Variants in CINP observed in about 807,000 individuals in gnomAD.
CINP encodes the protein cyclin-dependent kinase 2-interacting protein.
A neutral mutation model predicts 20.5 loss-of-function variants in CINP; 11 were observed. The observed-to-expected ratio is 0.54, with a 90% CI of 0.34 to 0.89. The LOEUF (loss-of-function observed/expected upper bound fraction) is 0.89. CINP is among the 40% of genes least tolerant of loss of function. The pLI is 0.02. For synonymous variants in CINP, 108 were observed against 102.1 expected (o/e 1.06, Z -0.35); for missense variants, 213 against 251.0 (o/e 0.85, Z 1.02).
At chr14:102,354,826 T>C (rs1400004182) in intron 3 of CINP, among the ~76,000 whole-genome samples, 1 of 151,658 alleles carries the variant, frequency 6.6e-6, no homozygotes, top group Non-Finnish European at 1.5e-5. Context: ...TCCCAGCAGT[T>C]TGGGAGGCCA....
intron 2 of CINP, among the ~76,000 whole-genome samples, chr14:102,357,709 G>A (rs2139632614): frequency 6.6e-6 from 1 of 152,348 alleles, no homozygotes; most frequent in African/African-American, 2.4e-5. Context: ...TTTGGTTCAT[G>A]AGGTTTAAGG....
chr14:102,348,782 T>C, intron 4 of CINP, 23 bp from the exon 5 acceptor site: 1 of 1,597,744 alleles, frequency 6.3e-7, no homozygotes, highest in South Asian at 1.1e-5. Context: ...TGAATCTCCC[T>C]TAATGGCAGT....
chr14:102,352,772 C>T (rs902971255), intron 3 of CINP, among the ~76,000 whole-genome samples: 1 of 151,714 alleles, frequency 6.6e-6, no homozygotes, highest in African/African-American at 2.4e-5. Context: ...CTCAGCCTCC[C>T]AAGTAGCTGG....
chr14:102,348,518 G>C lies in CINP; in HGVS notation c.*39C>G. The stretch of plus-strand genomic sequence containing the variant: ...CCTAGGCAGACTGTCTGCCTGGTGA[G>C]ACGTGGAAGGAGCCAGTGTCCGCAG... On this transcript the variant is annotated 3_prime_UTR_variant, in exon 5 of 5. Coordinates refer to ENST00000216756, the MANE Select transcript of CINP (RefSeq NM_032630.3). 3.9e-6 allele frequency: 6 copies of C among 1,557,464 alleles called. No homozygotes were observed. The highest frequency in any genetic ancestry group is 5.2e-6 in the Non-Finnish European group (6 of 1,146,442).
Position 102,362,646 on chromosome 14 carries a change from A to C in CINP, c.7+199T>G, listed in dbSNP as rs1388103620. 5.5e-6 allele frequency: 4 copies of C among 733,172 alleles called. No homozygotes were observed. The Admixed American group carries it at 8.0e-5, about 15-fold the overall frequency. 45.4% of individuals were successfully genotyped at this position (733,172 alleles called of 1,614,324 possible). A position where few individuals can be genotyped will look rare whatever the true frequency, so the allele number is the denominator to read the frequency against. ...TTCATCTGTCACTGCACATGTGAAAAAACGGAGGCTCGGCAAAACTGTCTC... is the reference window on the plus strand; with the variant it reads ...TTCATCTGTCACTGCACATGTGAAACAACGGAGGCTCGGCAAAACTGTCTC... On this transcript the variant is annotated intron_variant, in intron 1 of 4. Coordinates refer to ENST00000216756, the MANE Select transcript of CINP (RefSeq NM_032630.3).
intron 3 of CINP, among the ~76,000 whole-genome samples, chr14:102,352,194 G>A (rs1418947091): frequency 6.6e-6 from 1 of 152,134 alleles, no homozygotes; most frequent in Non-Finnish European, 1.5e-5. Context: ...CCGACACCAA[G>A]TTTTAACACC....
rs535711601 is a variant in CINP, at chr14:102,359,155, C to T, written c.176+264G>A. On this transcript the variant is annotated intron_variant, in intron 2 of 4. Transcript: ENST00000216756. ...GGTAGAGGTTGCAGTGAGCTGAGATCGCGCCATCACACTCCAGCCTAGGCA... is the reference window on the plus strand; with the variant it reads ...GGTAGAGGTTGCAGTGAGCTGAGATTGCGCCATCACACTCCAGCCTAGGCA... 6.7e-5 allele frequency among the ~76,000 whole-genome samples: 10 copies of T among 149,784 alleles called. No individual in the cohort carries two copies. In the East Asian group the frequency reaches 1.6e-3, roughly 23 times the overall value.
intron 4 of CINP, among the ~76,000 whole-genome samples, chr14:102,349,279 A>G (rs1383716367): frequency 6.6e-6 from 1 of 152,144 alleles, no homozygotes; most frequent in Non-Finnish European, 1.5e-5. Context: ...AACCTTTTCT[A>G]CTTGACTCTT....
At chr14:102,356,626 G>A (rs1341827033) in intron 2 of CINP, among the ~76,000 whole-genome samples, 2 of 152,182 alleles carry the variant, frequency 1.3e-5, no homozygotes, top group Non-Finnish European at 2.9e-5. Context: ...CCCTCTGTAT[G>A]TAGAGCAAGT....
chr14:102,348,378 G>T lies in CINP; in HGVS notation c.*179C>A, dbSNP rs550809996. ...GGCTGAGCAGCACCACGTGGGGCTGGCCGCGGGTTGTGGGCATGAGCACGC... is the reference window on the plus strand; with the variant it reads ...GGCTGAGCAGCACCACGTGGGGCTGTCCGCGGGTTGTGGGCATGAGCACGC... On this transcript the variant is annotated 3_prime_UTR_variant, in exon 5 of 5. Transcript: ENST00000216756. 6 of 604,306 alleles carry T rather than the reference G, an allele frequency of 9.9e-6. No individual in the cohort carries two copies. The highest frequency in any genetic ancestry group is 3.0e-5 in the Admixed American group (1 of 33,142). The allele number at this position is 604,306 out of a possible 1,614,324, so 37.4% of individuals were successfully genotyped here. A position where few individuals can be genotyped will look rare whatever the true frequency, so the allele number is the denominator to read the frequency against.
chr14:102,360,233 C>T (rs575500953), intron 1 of CINP, among the ~76,000 whole-genome samples: 98 of 152,246 alleles, frequency 6.4e-4, no homozygotes, highest in Middle Eastern at 3.4e-3. Context: ...AGCTGAGGTG[C>T]CTGCAGGCCT....
chr14:102,360,112 G>A (rs1362676847), intron 1 of CINP, among the ~76,000 whole-genome samples: 1 of 152,110 alleles, frequency 6.6e-6, no homozygotes, highest in Non-Finnish European at 1.5e-5. Flanking sequence ...TCAGGAGGAA[G>A]TCCAAAATCC....
rs749174150 is a variant in CINP, at chr14:102,355,873, G to A, written c.201C>T (p.Asp67=). 7 of 1,614,040 alleles carry A rather than the reference G, an allele frequency of 4.3e-6. No homozygotes were observed. The highest frequency in any genetic ancestry group is 5.1e-6 in the Non-Finnish European group (6 of 1,180,008). Residue 67 remains aspartate, a synonymous_variant, in exon 3 of 5, where the codon GAC becomes GAT. Transcript: ENST00000216756. ...TTTCCTTCGAGGCTGGGCTGCTGCT[G>A]TCTAGTTCTATCTTGTCTTTATTCC... ...SLLNKDKIEL[D]SSSPASKENE...
intron 3 of CINP, among the ~76,000 whole-genome samples, chr14:102,350,648 G>A (rs969124424): frequency 2.6e-5 from 4 of 151,580 alleles, no homozygotes; most frequent in African/African-American, 9.7e-5. Flanking sequence ...GCGCCACCGC[G>A]CCTGGCTGGC....
chr14:102,353,713 G>A (rs1486404485), intron 3 of CINP, among the ~76,000 whole-genome samples: 1 of 152,160 alleles, frequency 6.6e-6, no homozygotes, highest in African/African-American at 2.4e-5. Flanking sequence ...GGAAGTCTGA[G>A]AAACTGTCAC....
chr14:102,362,828 G>A lies in CINP; in HGVS notation c.7+17C>T, dbSNP rs371106196. On this transcript the variant is annotated intron_variant, in intron 1 of 4. Transcript: ENST00000216756. ...TCACAGCCACCCCACCCCGGGAAAG[G>A]AACCGATCTCACGCACCTTCCATAA... The A allele has an allele frequency of 6.2e-7, 1 of 1,614,056 alleles. No homozygotes were observed. The highest frequency in any genetic ancestry group is 2.2e-5 in the East Asian group (1 of 44,862).
rs781568572 is a variant in CINP at position 102,362,862 on chromosome 14, G to A, written c.-11C>T. 8.1e-6 allele frequency: 13 copies of A among 1,614,114 alleles called. No individual in the cohort carries two copies. The East Asian group carries it at 1.3e-4, about 17-fold the overall frequency. On this transcript the variant is annotated 5_prime_UTR_variant, in exon 1 of 5. Coordinates refer to ENST00000216756, the MANE Select transcript of CINP (RefSeq NM_032630.3). The stretch of plus-strand genomic sequence containing the variant: ...TCACGCACCTTCCATAAGGTCCACA[G>A]ATATCCGTAGAAGGAGACGCGAAGC...
Position 102,349,958 on chromosome 14 carries a change from G to T in CINP, c.397C>A (p.Arg133=), listed in dbSNP as rs760883958. ...ENYHYGEESK[R]PPLFHTWPTT... ...GGCCACGTGTGGAACAGAGGGGGTC[G>T]TTTACTCTCCTCCCCATAATGGTAG... is the stretch of plus-strand genomic sequence containing the variant. Residue 133 remains arginine, a synonymous_variant, in exon 4 of 5, where the codon CGA becomes AGA. Coordinates refer to ENST00000216756, the MANE Select transcript of CINP (RefSeq NM_032630.3). 5.6e-6 allele frequency: 9 copies of T among 1,613,626 alleles called. 1 individual carries two copies. The South Asian group carries it at 8.8e-5, about 16-fold the overall frequency.
intron 3 of CINP, among the ~76,000 whole-genome samples, chr14:102,350,551 G>T: frequency 6.6e-6 from 1 of 151,862 alleles, no homozygotes; most frequent in East Asian, 1.9e-4. Flanking sequence ...ACAGGGTCTC[G>T]TTATGTTGCC....
Sources: gnomAD v4.1 joint callset for allele counts (sites outside exome capture counted in the v4.1 genomes callset) on GRCh38, gnomAD v4.1.1 for gene constraint, MANE v1.5 for transcripts, NCBI Gene and HGNC (gene_info 2026-07-23, HGNC 2026-07-21) for gene names.